Variants in BMAL2 observed in about 807,000 individuals in gnomAD.
BMAL2 encodes basic helix-loop-helix ARNT like 2, also known as basic helix-loop-helix ARNT-like protein 2.
chr12:27,389,467 A>G, the BMAL2 span, among the ~76,000 whole-genome samples: 5 of 152,312 alleles, frequency 3.3e-5, no homozygotes, highest in South Asian at 8.3e-4. Flanking sequence ...GAAAATTCCT[A>G]TATTCATACA....
the BMAL2 span, chr12:27,423,993 A>T: frequency 2.2e-4 from 34 of 152,238 alleles, no homozygotes; most frequent in Non-Finnish European, 4.6e-4. Context: ...GACTAGTATT[A>T]CCAAAAGAAT....
chr12:27,340,413 G>T, the BMAL2 span, among the ~76,000 whole-genome samples: 1 of 152,172 alleles, frequency 6.6e-6, no homozygotes, highest in African/African-American at 2.4e-5. Flanking sequence ...TCACATGGTT[G>T]TAGGTGTGTG....
At chr12:27,390,601 A>C in the BMAL2 span, 2 of 180,918 alleles carry the variant, frequency 1.1e-5, no homozygotes, top group African/African-American at 4.8e-5. Flanking sequence ...TCAATAGTAC[A>C]AGAGCCTGAT....
At chr12:27,364,774 C>G in the BMAL2 span, among the ~76,000 whole-genome samples, 1 of 152,130 alleles carries the variant, frequency 6.6e-6, no homozygotes, top group Admixed American at 6.5e-5. Context: ...AATTCAAAAG[C>G]CTGGCATATC....
chr12:27,386,412 GCTT>G, the BMAL2 span, among the ~76,000 whole-genome samples: 2 of 152,170 alleles, frequency 1.3e-5, no homozygotes, highest in African/African-American at 4.8e-5. Flanking sequence ...CATGCAGGCT[GCTT>G]CATGGGATTT....
chr12:27,361,015 A>G, the BMAL2 span, among the ~76,000 whole-genome samples: 8 of 152,182 alleles, frequency 5.3e-5, no homozygotes, highest in African/African-American at 1.7e-4. Flanking sequence ...AAGATATAGC[A>G]CACTATTGGC....
the BMAL2 span, among the ~76,000 whole-genome samples, chr12:27,412,963 G>T: frequency 3.3e-5 from 5 of 151,814 alleles, no homozygotes; most frequent in Non-Finnish European, 5.9e-5. Context: ...CTTGCAGGCC[G>T]GGAGAGAATA....
the BMAL2 span, among the ~76,000 whole-genome samples, chr12:27,409,418 C>G: frequency 6.3e-4 from 96 of 152,110 alleles, no homozygotes; most frequent in Non-Finnish European, 6.9e-4. Context: ...TGGAACAGAA[C>G]AGAGCCCTCA....
the BMAL2 span, among the ~76,000 whole-genome samples, chr12:27,367,212 G>A: frequency 1.3e-5 from 2 of 152,064 alleles, no homozygotes; most frequent in Non-Finnish European, 1.5e-5. Context: ...CTGTGGTACT[G>A]CAACAGTGGA....
At chr12:27,417,524 T>C in the BMAL2 span, among the ~76,000 whole-genome samples, 1 of 152,132 alleles carries the variant, frequency 6.6e-6, no homozygotes, top group Non-Finnish European at 1.5e-5. Flanking sequence ...GGGCAAGATA[T>C]CCCTTTAGGC....
At chr12:27,377,000 C>CAAAAAAAAAAAA in the BMAL2 span, among the ~76,000 whole-genome samples, 1 of 91,748 alleles carries the variant, frequency 1.1e-5, no homozygotes, top group Non-Finnish European at 2.0e-5. Context: ...AACTCCGTCT[C>CAAAAAAAAAAAA]AAAAAAAAAA....
At chr12:27,383,529 G>A in the BMAL2 span, among the ~76,000 whole-genome samples, 3 of 152,106 alleles carry the variant, frequency 2.0e-5, 1 homozygote, top group African/African-American at 7.2e-5. Context: ...ATTTTCTCTC[G>A]AGCACATCCC....
chr12:27,403,998 A>C, the BMAL2 span, among the ~76,000 whole-genome samples: 2 of 149,842 alleles, frequency 1.3e-5, no homozygotes, highest in Non-Finnish European at 3.0e-5. Flanking sequence ...CCTCATCTCT[A>C]CAAAAAAAAA....
At chr12:27,420,284 C>T in the BMAL2 span, 4 of 1,369,642 alleles carry the variant, frequency 2.9e-6, no homozygotes, top group Non-Finnish European at 4.1e-6. Context: ...TTATGGTTTT[C>T]TAGCCTTGCT....
At chr12:27,387,154 ATGTG>A in the BMAL2 span, 10 of 888,630 alleles carry the variant, frequency 1.1e-5, no homozygotes, top group Non-Finnish European at 1.6e-5. Flanking sequence ...CAGAATCTGA[ATGTG>A]TGTGTGTGTG....
the BMAL2 span, chr12:27,422,222 C>T: frequency 1.8e-4 from 27 of 152,162 alleles, no homozygotes; most frequent in African/African-American, 6.5e-4. Flanking sequence ...TCTCGTGCCT[C>T]GCAAATGAAA....
the BMAL2 span, among the ~76,000 whole-genome samples, chr12:27,393,743 T>C: frequency 6.6e-6 from 1 of 152,224 alleles, no homozygotes; most frequent in East Asian, 1.9e-4. Context: ...TGCCAGGTAC[T>C]ATGCCAAATG....
the BMAL2 span, among the ~76,000 whole-genome samples, chr12:27,372,833 C>T: frequency 5.3e-5 from 8 of 152,132 alleles, no homozygotes; most frequent in Non-Finnish European, 1.2e-4. Context: ...ACCACCACAC[C>T]TGGCTAATTT....
the BMAL2 span, chr12:27,387,102 T>A: frequency 1.5e-6 from 1 of 664,310 alleles, no homozygotes; most frequent in East Asian, 2.9e-5. Flanking sequence ...TTTTACTAGC[T>A]CCATGACTAC....
Sources: gnomAD v4.1 joint callset for allele counts (sites outside exome capture counted in the v4.1 genomes callset) on GRCh38, gnomAD v4.1.1 for gene constraint, MANE v1.5 for transcripts, NCBI Gene and HGNC (gene_info 2026-07-23, HGNC 2026-07-21) for gene names.